The following EDA variants were observed in gnomAD, a reference collection of about 807,000 sequenced individuals.
The protein encoded by EDA is ectodysplasin-A.
EDA carries 2 observed loss-of-function variants against 23.6 expected under a neutral mutation model. The ratio of observed to expected loss-of-function variants is 0.08; its 90% CI spans 0.03 to 0.27. The LOEUF is 0.27. Ranked by LOEUF, EDA falls within the 10% of genes least tolerant of loss-of-function variation. The pLI is 1.00. For missense variants in EDA, 229 were observed against 324.2 expected (o/e 0.71, Z 2.26); for synonymous variants, 131 against 132.0 (o/e 0.99, Z 0.05).
chrX:69,777,205 A>G (rs1286685085), intron 1 of EDA, among the ~76,000 whole-genome samples: 9 of 109,208 alleles, frequency 8.2e-5, no homozygotes, highest in African/African-American at 6.6e-5. Flanking sequence ...AACTTTCCCA[A>G]TATGGAGGTT....
chrX:69,961,264 T>G (rs1602568136), intron 2 of EDA, among the ~76,000 whole-genome samples: 2 of 111,324 alleles, frequency 1.8e-5, no homozygotes, highest in Admixed American at 9.6e-5. Context: ...GGTAAGCCAC[T>G]GCATCCAGCC....
chrX:69,950,530 T>G (rs2018903683), intron 1 of EDA, among the ~76,000 whole-genome samples: 1 of 56,632 alleles, frequency 1.8e-5, no homozygotes, highest in Non-Finnish European at 3.1e-5. Flanking sequence ...GAAGTCAGTG[T>G]GGCGATTCCT....
At chrX:69,800,183 A>G (rs2015648038) in intron 1 of EDA, among the ~76,000 whole-genome samples, 1 of 111,733 alleles carries the variant, frequency 8.9e-6, no homozygotes, top group South Asian at 3.7e-4. Flanking sequence ...ATGAAGATAG[A>G]GTGGAATGGA....
intron 1 of EDA, among the ~76,000 whole-genome samples, chrX:69,646,240 A>C (rs1157332157): frequency 9.0e-6 from 1 of 110,954 alleles, no homozygotes; most frequent in Non-Finnish European, 1.9e-5. Context: ...ATCTTTGTTA[A>C]TTTTCTATCT....
At chrX:69,867,164 A>G (rs2017499716) in intron 1 of EDA, among the ~76,000 whole-genome samples, 1 of 111,811 alleles carries the variant, frequency 8.9e-6, no homozygotes, top group Admixed American at 9.5e-5. Context: ...GCCTTGGTGG[A>G]TGGAAGTCCA....
rs777873154 is a variant in EDA at position 69,833,320 on chromosome X, T to C, written c.397-123707T>C. On this transcript the variant is annotated intron_variant, in intron 1 of 7. Coordinates refer to ENST00000374552, the MANE Select transcript of EDA (RefSeq NM_001399.5). The stretch of plus-strand genomic sequence containing the variant: ...AATCATGTGGTTTTTTTGTTGTTGT[T>C]GGTTCTGTGTGGATTACGTTTATTG... Among the ~76,000 whole-genome samples the C allele has an allele frequency of 7.8e-4, 87 of 111,857 alleles. 1 individual carries two copies. The highest frequency in any genetic ancestry group is 2.7e-3 in the African/African-American group (84 of 30,842).
At position 69,845,331 on chromosome X, in the gene EDA, A is replaced by T. The variant is rs758032892; in HGVS notation, c.397-111696A>T. On this transcript the variant is annotated intron_variant, in intron 1 of 7. Transcript: ENST00000374552. ...TTTTTCATATATTTGGCTAATTGGG[A>T]AATCAGTGAAATTGGTCTCTATTCA... Among the ~76,000 whole-genome samples, 17 of 111,819 alleles carry T rather than the reference A, an allele frequency of 1.5e-4. No homozygotes were observed. In the South Asian group the frequency reaches 6.4e-3, roughly 42 times the overall value.
intron 1 of EDA, among the ~76,000 whole-genome samples, chrX:69,677,583 T>A (rs1277068516): frequency 6.7e-5 from 7 of 104,945 alleles, no homozygotes; most frequent in South Asian, 8.4e-4. Context: ...TGGCCAGTGA[T>A]GGTGAGCATT....
chrX:70,028,048 T>C lies in EDA; in HGVS notation c.706+12T>C, dbSNP rs111600547. The C allele has an allele frequency of 1.4e-5, 7 of 513,984 alleles. No individual in the cohort carries two copies. The highest frequency in any genetic ancestry group is 1.4e-5 in the Non-Finnish European group (5 of 365,898). The allele number at this position is 513,984 out of a possible 1,213,427, so 42.4% of individuals were successfully genotyped here. ...CCAGGGACCTTCTGGTGAGTTCCCC[T>C]GTCTCTCCACCCCACCAGGTGCCTT... On this transcript the variant is annotated intron_variant, in intron 4 of 7. Coordinates refer to ENST00000374552, the MANE Select transcript of EDA (RefSeq NM_001399.5).
intron 1 of EDA, among the ~76,000 whole-genome samples, chrX:69,915,625 T>C (rs1458175170): frequency 2.8e-5 from 3 of 108,478 alleles, no homozygotes; most frequent in African/African-American, 1.0e-4. Flanking sequence ...GGTGTACATA[T>C]ATGCAAAAAC....
At chrX:69,771,184 A>G (rs1281718111) in intron 1 of EDA, among the ~76,000 whole-genome samples, 1 of 108,693 alleles carries the variant, frequency 9.2e-6, no homozygotes, top group Non-Finnish European at 1.9e-5. Flanking sequence ...AGCCCCCCCA[A>G]GTCGCTGGGA....
chrX:69,709,964 G>C (rs1001843085), intron 1 of EDA, among the ~76,000 whole-genome samples: 2 of 111,671 alleles, frequency 1.8e-5, no homozygotes, highest in Non-Finnish European at 3.8e-5. Flanking sequence ...CACTCTAATA[G>C]TAGTTTCTTT....
intron 1 of EDA, among the ~76,000 whole-genome samples, chrX:69,728,304 T>C (rs1487111108): frequency 9.1e-6 from 1 of 110,118 alleles, no homozygotes; most frequent in African/African-American, 3.3e-5. Flanking sequence ...ATTTTTGATA[T>C]GGTAAGGTGA....
At chrX:69,965,543 G>A (rs2019160847) in intron 2 of EDA, among the ~76,000 whole-genome samples, 1 of 111,973 alleles carries the variant, frequency 8.9e-6, no homozygotes, top group South Asian at 3.7e-4. Context: ...ATTTATCAAT[G>A]AAGATATTCT....
rs191615628 is a variant in EDA at position 70,035,897 on chromosome X, T to C, written c.*288T>C. 1.8e-3 allele frequency: 671 copies of C among 372,806 alleles called. 3 individuals are homozygous for C. The highest frequency in any genetic ancestry group is 0.016 in the African/African-American group (604 of 38,878). 30.7% of individuals were successfully genotyped at this position (372,806 alleles called of 1,213,427 possible). On this transcript the variant is annotated 3_prime_UTR_variant, in exon 8 of 8. Coordinates refer to ENST00000374552, the MANE Select transcript of EDA (RefSeq NM_001399.5). ...ATGGCATGACTCTTCAACCCCGAGG[T>C]CCCTGTTGTCAGATCTATTGTTTGT...
rs760869403 is a variant in EDA, at chrX:70,033,474, C to T, written c.870C>T (p.Ser290=). 3.1e-5 allele frequency: 38 copies of T among 1,210,033 alleles called. No individual in the cohort carries two copies. The highest frequency in any genetic ancestry group is 5.3e-5 in the South Asian group (3 of 56,802). ...AGGTGTTTAAGCTACATCCCCGCAG[C>T]GGGGAGCTGGAGGTACTGGTGGACG... The part of the protein sequence containing the change: ...NPKVFKLHPR[S]GELEVLVDGT... The change falls in exon 7 of 8, where the codon AGC becomes AGT. Residue 290 remains serine (S), a synonymous_variant. Transcript: ENST00000374552.
At chrX:69,670,361 A>G in intron 1 of EDA, 1 of 342,899 alleles carries the variant, frequency 2.9e-6, no homozygotes, top group Non-Finnish European at 5.0e-6. Context: ...CAGTTTGATG[A>G]TAGTGTACCT....
At chrX:69,828,992 T>C (rs2147535512) in intron 1 of EDA, among the ~76,000 whole-genome samples, 1 of 112,638 alleles carries the variant, frequency 8.9e-6, no homozygotes, top group East Asian at 2.8e-4. Flanking sequence ...AGGGATTCCC[T>C]GACCATTCTG....
chrX:69,831,181 G>A (rs878879243), intron 1 of EDA, among the ~76,000 whole-genome samples: 3 of 110,974 alleles, frequency 2.7e-5, no homozygotes, highest in Admixed American at 9.6e-5. Context: ...CATCATTTAC[G>A]TTAGGTACTA....
Sources: gnomAD v4.1 joint callset for allele counts (sites outside exome capture counted in the v4.1 genomes callset) on GRCh38, gnomAD v4.1.1 for gene constraint, MANE v1.5 for transcripts, NCBI Gene and HGNC (gene_info 2026-07-23, HGNC 2026-07-21) for gene names.